Variants in MEOX1 observed in about 807,000 individuals in gnomAD.
The protein encoded by MEOX1 is mesenchyme homeobox 1, also known as homeobox protein MOX-1.
MEOX1 carries 17 observed loss-of-function variants against 23.2 expected under a neutral mutation model. The observed-to-expected ratio is 0.73, with a 90% CI of 0.50 to 1.10. The LOEUF (loss-of-function observed/expected upper bound fraction) is 1.10, where lower values mean the gene tolerates loss of function less well. Among genes scored for constraint, MEOX1 ranks in the 50% least tolerant of loss-of-function variants. The pLI is 0.00. For missense variants in MEOX1, 333 were observed against 332.2 expected, an observed-to-expected ratio of 1.00 and a Z score of -0.02; for synonymous variants, 134 against 135.1, an observed-to-expected ratio of 0.99 and a Z score of 0.06.
Position 43,643,503 on chromosome 17 carries a change from G to T in MEOX1, c.627C>A (p.Asp209Glu). 1 of 1,596,154 alleles carries T rather than the reference G, an allele frequency of 6.3e-7. No individual in the cohort carries two copies. ...GGGGGCGCACCTGGCGCTCAGAGAG[G>T]TCCAGGTTTACCGCAATCTCATATC... ...LRRYEIAVNL[D>E]LSERQVKVWF... The change falls in exon 2 of 3, where the codon GAC becomes GAA. Residue 209 changes from aspartate to glutamate, a missense_variant. By Grantham distance (45) the Asp-to-Glu change is conservative. Transcript: ENST00000318579.
intron 1 of MEOX1, among the ~76,000 whole-genome samples, chr17:43,658,897 C>T (rs1447419642): frequency 6.6e-6 from 1 of 152,206 alleles, no homozygotes; most frequent in Non-Finnish European, 1.5e-5. Context: ...GCCTCATCTG[C>T]TGCTGGTGCT....
chr17:43,660,983 A>C (rs1185115272), intron 1 of MEOX1, 83 bp downstream of exon 1: 3 of 864,724 alleles, frequency 3.5e-6, no homozygotes, highest in Non-Finnish European at 5.2e-6. Flanking sequence ...ATTCATGCTC[A>C]GAGCACCTAG....
At chr17:43,657,170 CTTTTTTTTT>C (rs57432395) in intron 1 of MEOX1, among the ~76,000 whole-genome samples, 7 of 81,724 alleles carry the variant, frequency 8.6e-5, no homozygotes, top group African/African-American at 3.8e-4. Flanking sequence ...TTCTTTCTTT[CTTTTTTTTT>C]TTTTTTTTTG....
intron 1 of MEOX1, among the ~76,000 whole-genome samples, chr17:43,645,171 C>CT (rs869205502): frequency 0.034 from 3,378 of 99,704 alleles, 96 homozygotes; most frequent in Middle Eastern, 0.056. Context: ...CATTAATTAT[C>CT]TTTTTTTTTT....
chr17:43,655,340 G>A (rs557675090), intron 1 of MEOX1, among the ~76,000 whole-genome samples: 7 of 151,542 alleles, frequency 4.6e-5, no homozygotes, highest in Non-Finnish European at 7.4e-5. Flanking sequence ...GCGTGGTGGC[G>A]TGTGCCTGTA....
chr17:43,641,974 G>C lies in MEOX1; in HGVS notation c.701C>G (p.Pro234Arg). ...MKWKRVKGGQPISPNGQDPED... is the reference protein window; with the variant it reads ...MKWKRVKGGQRISPNGQDPED... ...AGGGTCCTGCCCATTGGGGGAGATG[G>C]GCTGACCTCCCTTCACACGCTTCCA... Residue 234 changes from proline (P) to arginine (R), a missense_variant, in exon 3 of 3, where the codon CCC (proline) becomes CGC (arginine). Pro to Arg is a moderately radical substitution (Grantham distance 103). Transcript: ENST00000318579. 1 of 1,613,984 alleles carries C rather than the reference G, an allele frequency of 6.2e-7. No homozygotes were observed. Among genetic ancestry groups the C allele is most frequent in the Non-Finnish European group, 8.5e-7 (1 of 1,179,934 alleles).
At chr17:43,656,333 G>A (rs1386291911) in intron 1 of MEOX1, among the ~76,000 whole-genome samples, 1 of 152,204 alleles carries the variant, frequency 6.6e-6, no homozygotes, top group South Asian at 2.1e-4. Context: ...TCAGAGAGGG[G>A]GAAGAAAATG....
intron 1 of MEOX1, among the ~76,000 whole-genome samples, chr17:43,655,965 TAA>T (rs1973011407): frequency 1.3e-5 from 2 of 152,234 alleles, no homozygotes; most frequent in Admixed American, 6.5e-5. Flanking sequence ...TAAAAACTGT[TAA>T]GACGGTAACT....
intron 1 of MEOX1, among the ~76,000 whole-genome samples, chr17:43,660,508 C>A (rs1008614979): frequency 6.6e-6 from 1 of 152,184 alleles, no homozygotes; most frequent in African/African-American, 2.4e-5. Context: ...CCTCCATCTC[C>A]CCCTCACCCC....
At chr17:43,650,904 C>T (rs965579679) in intron 1 of MEOX1, among the ~76,000 whole-genome samples, 1 of 152,196 alleles carries the variant, frequency 6.6e-6, no homozygotes, top group African/African-American at 2.4e-5. Context: ...ACCCCAGTGT[C>T]CAGGCCCTTT....
intron 1 of MEOX1, among the ~76,000 whole-genome samples, chr17:43,656,996 T>C (rs1023860218): frequency 6.7e-4 from 86 of 128,384 alleles, no homozygotes; most frequent in Middle Eastern, 3.6e-3. Flanking sequence ...CTTTCTTTCT[T>C]TTTCTTTCTT....
intron 1 of MEOX1, among the ~76,000 whole-genome samples, chr17:43,644,786 C>A (rs1043635463): frequency 3.9e-5 from 6 of 152,104 alleles, no homozygotes; most frequent in African/African-American, 1.4e-4. Flanking sequence ...CGCGGTGGCA[C>A]GCCCCTGTAA....
At chr17:43,645,852 C>T (rs956343889) in intron 1 of MEOX1, among the ~76,000 whole-genome samples, 2 of 152,230 alleles carry the variant, frequency 1.3e-5, no homozygotes, top group East Asian at 1.9e-4. Flanking sequence ...TCAGTTTCCC[C>T]GTCCTCCGCC....
intron 1 of MEOX1, among the ~76,000 whole-genome samples, chr17:43,655,059 A>G (rs1972990353): frequency 6.6e-6 from 1 of 151,786 alleles, no homozygotes; most frequent in African/African-American, 2.4e-5. Context: ...CTCAAAAAAG[A>G]AAAAGAAAAA....
rs1388612999 is a variant in MEOX1, at chr17:43,641,753, G to A, written c.*157C>T. 2 of 737,152 alleles carry A rather than the reference G, an allele frequency of 2.7e-6. No homozygotes were observed. The highest frequency in any genetic ancestry group is 4.3e-6 in the Non-Finnish European group (2 of 463,664). 45.7% of individuals were successfully genotyped at this position (737,152 alleles called of 1,614,324 possible). A position where few individuals can be genotyped will look rare whatever the true frequency, so the allele number is the denominator to read the frequency against. ...GACAGAACTTCCTAGAAAATCCTAA[G>A]ACTCCCAGGAATGCTGGGCAGTTTC... On this transcript the variant is annotated 3_prime_UTR_variant, in exon 3 of 3. Coordinates refer to ENST00000318579, the MANE Select transcript of MEOX1 (RefSeq NM_004527.4).
Position 43,652,618 on chromosome 17 carries a change from T to C in MEOX1, c.469+8448A>G, listed in dbSNP as rs140402152. Among the ~76,000 whole-genome samples the C allele has an allele frequency of 1.5e-3, 221 of 152,220 alleles. 1 individual carries two copies. The highest frequency in any genetic ancestry group is 5.0e-3 in the African/African-American group (207 of 41,514). Reference sequence around the variant, plus strand: ...CACCCACGTCCACACAGCCAGGAAGTTGTGGATCAGGGACCTGAACCAGGG... The same window carrying C: ...CACCCACGTCCACACAGCCAGGAAGCTGTGGATCAGGGACCTGAACCAGGG... On this transcript the variant is annotated intron_variant, in intron 1 of 2. Transcript: ENST00000318579.
At chr17:43,657,166 CTTTCT>C (rs748717610) in intron 1 of MEOX1, among the ~76,000 whole-genome samples, 1,801 of 81,140 alleles carry the variant, frequency 0.022, 91 homozygotes, top group African/African-American at 0.062. Flanking sequence ...TTCTTTCTTT[CTTTCT>C]TTTTTTTTTT....
chr17:43,655,348 G>A (rs1972994041), intron 1 of MEOX1, among the ~76,000 whole-genome samples: 1 of 151,872 alleles, frequency 6.6e-6, no homozygotes, highest in South Asian at 2.1e-4. Flanking sequence ...GCGTGTGCCT[G>A]TAGTCCCAGC....
In MEOX1 at chr17:43,643,516, G is replaced by A. The variant is rs747977868; in HGVS notation, c.614C>T (p.Ala205Val). The change falls in exon 2 of 3, where the codon GCG becomes GTG. Residue 205 changes from alanine (A) to valine (V), a missense_variant. By Grantham distance (64) the Ala-to-Val change is moderately conservative. Transcript: ENST00000318579. ...YLTRLRRYEI[A>V]VNLDLSERQV... is the part of the protein sequence containing the mutation. ...GCGCTCAGAGAGGTCCAGGTTTACCGCAATCTCATATCTGCGGAGCCGAGT... is the reference window on the plus strand; with the variant it reads ...GCGCTCAGAGAGGTCCAGGTTTACCACAATCTCATATCTGCGGAGCCGAGT... 47 of 1,602,250 alleles carry A rather than the reference G, an allele frequency of 2.9e-5. No individual in the cohort carries two copies. The highest frequency in any genetic ancestry group is 3.8e-5 in the Non-Finnish European group (45 of 1,174,754).
Sources: allele counts gnomAD v4.1 joint callset (sites outside exome capture counted in the v4.1 genomes callset), GRCh38; gene constraint gnomAD v4.1.1; transcripts MANE v1.5; gene names NCBI Gene and HGNC (gene_info 2026-07-23, HGNC 2026-07-21).